Variants in SLMAP observed in about 807,000 individuals in gnomAD.
SLMAP encodes the protein sarcolemmal membrane-associated protein.
In SLMAP, 44 loss-of-function variants were observed where a neutral mutation model predicts 128.8. The observed-to-expected ratio is 0.34, with a 90% CI of 0.27 to 0.44. The LOEUF (loss-of-function observed/expected upper bound fraction) is 0.44, where lower values mean the gene tolerates loss of function less well. Ranked by LOEUF, SLMAP falls within the 20% of genes least tolerant of loss-of-function variation. SLMAP has a pLI of 1.00. For missense variants in SLMAP, 787 were observed against 985.3 expected, an observed-to-expected ratio of 0.80 and a Z score of 2.69; for synonymous variants, 327 against 348.8, an observed-to-expected ratio of 0.94 and a Z score of 0.70.
At chr3:57,802,568 C>T (rs773356404) in intron 2 of SLMAP, among the ~76,000 whole-genome samples, 1 of 152,170 alleles carries the variant, frequency 6.6e-6, no homozygotes, top group Non-Finnish European at 1.5e-5. Flanking sequence ...GCTCAGCCTG[C>T]TCTTTGTCTG....
intron 2 of SLMAP, among the ~76,000 whole-genome samples, chr3:57,770,084 ATTCAT>A (rs2080525209): frequency 6.6e-6 from 1 of 152,212 alleles, no homozygotes; most frequent in Non-Finnish European, 1.5e-5. Flanking sequence ...AGAAGACAGT[ATTCAT>A]TTAAATTGTA....
intron 2 of SLMAP, among the ~76,000 whole-genome samples, chr3:57,796,773 T>C (rs575487592): frequency 6.6e-5 from 10 of 152,324 alleles, no homozygotes; most frequent in Non-Finnish European, 7.4e-5. Flanking sequence ...TAATGAAATG[T>C]CATATAACCA....
intron 3 of SLMAP, among the ~76,000 whole-genome samples, chr3:57,837,493 C>T (rs2093693795): frequency 6.6e-6 from 1 of 152,116 alleles, no homozygotes; most frequent in Non-Finnish European, 1.5e-5. Context: ...CTCAGCCTCC[C>T]TAGTAGCTGG....
At chr3:57,898,141 G>A (rs529455254) in intron 17 of SLMAP, 1 of 152,264 alleles carries the variant, frequency 6.6e-6, no homozygotes, top group South Asian at 2.1e-4. Flanking sequence ...ATATAAGGAA[G>A]GAGCACTCTT....
intron 13 of SLMAP, among the ~76,000 whole-genome samples, chr3:57,868,889 A>T (rs1352346940): frequency 7.3e-6 from 1 of 137,810 alleles, no homozygotes; most frequent in African/African-American, 2.7e-5. Context: ...TATAATATAT[A>T]TTATATATAT....
chr3:57,914,581 A>T (rs2096770262), intron 21 of SLMAP, among the ~76,000 whole-genome samples: 2 of 151,992 alleles, frequency 1.3e-5, no homozygotes, highest in Admixed American at 1.3e-4. Flanking sequence ...ATAGCTATAT[A>T]CATAAATTTT....
At chr3:57,886,661 AG>A (rs1277465450) in intron 14 of SLMAP, among the ~76,000 whole-genome samples, 1 of 151,324 alleles carries the variant, frequency 6.6e-6, no homozygotes, top group Non-Finnish European at 1.5e-5. Flanking sequence ...AATGAATTCC[AG>A]AGGGGGAGAA....
chr3:57,797,914 G>T (rs1328010274), intron 2 of SLMAP, among the ~76,000 whole-genome samples: 2 of 152,140 alleles, frequency 1.3e-5, no homozygotes, highest in East Asian at 3.8e-4. Context: ...ACTGCAATGG[G>T]TTCATATCCT....
intron 2 of SLMAP, among the ~76,000 whole-genome samples, chr3:57,812,347 A>T (rs557455507): frequency 6.6e-6 from 1 of 152,274 alleles, no homozygotes; most frequent in East Asian, 1.9e-4. Context: ...CCATTAAATG[A>T]TCTTGGCACC....
chr3:57,868,349 G>A (rs1403987962), intron 13 of SLMAP, among the ~76,000 whole-genome samples: 1 of 152,126 alleles, frequency 6.6e-6, no homozygotes, highest in Non-Finnish European at 1.5e-5. Context: ...ATCCCAGCAA[G>A]GGAGGATTGT....
chr3:57,869,037 A>ATATATATTATATATAT (rs1491524067), intron 13 of SLMAP, among the ~76,000 whole-genome samples: 3 of 138,156 alleles, frequency 2.2e-5, no homozygotes, highest in Non-Finnish European at 4.6e-5. Context: ...TATATATATA[A>ATATATATTATATATAT]TATATATTAT....
chr3:57,890,609 TGA>T (rs1182406659), intron 15 of SLMAP: 1 of 152,496 alleles, frequency 6.6e-6, no homozygotes, highest in Non-Finnish European at 1.5e-5. Flanking sequence ...TTATATTTTA[TGA>T]GTAGTCCAGT....
intron 2 of SLMAP, among the ~76,000 whole-genome samples, chr3:57,765,852 G>C (rs945223588): frequency 7.9e-5 from 12 of 152,064 alleles, no homozygotes; most frequent in Non-Finnish European, 1.5e-4. Context: ...GTGGGAAATT[G>C]ATAAAATATT....
chr3:57,835,546 A>G lies in SLMAP; in HGVS notation c.346+4016A>G, dbSNP rs575031356. Among the ~76,000 whole-genome samples the G allele has an allele frequency of 4.6e-5, 7 of 152,340 alleles. No homozygotes were observed. In the South Asian group the frequency reaches 6.2e-4, roughly 14 times the overall value. ...AAGATGAGTCAGTATCAGGCAGTCT[A>G]TCAACATAATCCACAGACTAAAGTA... On this transcript the variant is annotated intron_variant, in intron 3 of 24. Coordinates refer to ENST00000671191, the MANE Select transcript of SLMAP (RefSeq NM_001377540.1).
At chr3:57,870,549 T>C (rs1249925473) in intron 13 of SLMAP, among the ~76,000 whole-genome samples, 1 of 152,198 alleles carries the variant, frequency 6.6e-6, no homozygotes, top group Non-Finnish European at 1.5e-5. Flanking sequence ...ATGTAACTTA[T>C]TAAAGCATAA....
chr3:57,861,777 G>A (rs1049087178), intron 9 of SLMAP, among the ~76,000 whole-genome samples, 172 bp from the exon 10 acceptor site: 1 of 152,012 alleles, frequency 6.6e-6, no homozygotes, highest in Non-Finnish European at 1.5e-5. Flanking sequence ...TTCTGTTTTA[G>A]TGTGAATTGA....
intron 17 of SLMAP, chr3:57,899,032 CCTAT>C (rs2096305981): frequency 1.3e-5 from 2 of 152,046 alleles, no homozygotes; most frequent in African/African-American, 4.8e-5. Context: ...TAAAAGCAGG[CCTAT>C]CTGTTGAAGG....
intron 2 of SLMAP, among the ~76,000 whole-genome samples, chr3:57,816,862 G>C (rs1560095548): frequency 6.6e-6 from 1 of 152,220 alleles, no homozygotes; most frequent in Non-Finnish European, 1.5e-5. Flanking sequence ...GTATGAGTGG[G>C]TGGAAGCAAA....
chr3:57,811,322 A>G (rs1256344498), intron 2 of SLMAP, among the ~76,000 whole-genome samples: 4 of 152,158 alleles, frequency 2.6e-5, no homozygotes, highest in Admixed American at 6.5e-5. Context: ...TACCTCAAAT[A>G]AGAGGAATTA....
Sources: allele counts gnomAD v4.1 joint callset (sites outside exome capture counted in the v4.1 genomes callset), GRCh38; gene constraint gnomAD v4.1.1; transcripts MANE v1.5; gene names NCBI Gene and HGNC (gene_info 2026-07-23, HGNC 2026-07-21).